The following ANK2 variants were observed in gnomAD, a reference collection of about 807,000 sequenced individuals.
ANK2 encodes the protein ankyrin 2.
Under a neutral mutation model 360.5 loss-of-function variants are expected in ANK2, and 83 were observed. The observed-to-expected ratio is 0.23, with a 90% CI of 0.19 to 0.28. ANK2 has a LOEUF of 0.28. ANK2 is among the 10% of genes least tolerant of loss of function. The pLI, the probability that ANK2 is intolerant of heterozygous loss-of-function variation, is 1.00. For synonymous variants in ANK2, 1,740 were observed against 1,759.5 expected (o/e 0.99, Z 0.28); for missense variants, 4,201 against 4,795.7 (o/e 0.88, Z 3.66).
At chr4:112,896,774 A>T (rs995459398) in intron 1 of ANK2, among the ~76,000 whole-genome samples, 1 of 152,248 alleles carries the variant, frequency 6.6e-6, no homozygotes, top group Middle Eastern at 3.4e-3. Flanking sequence ...CAACCTGAGA[A>T]CTTCAGGGCT....
At chr4:113,255,352 A>G (rs2048723673) in intron 10 of ANK2, among the ~76,000 whole-genome samples, 1 of 152,222 alleles carries the variant, frequency 6.6e-6, no homozygotes, top group African/African-American at 2.4e-5. Flanking sequence ...TTTATAAGAA[A>G]TGCAGGCAGA....
At chr4:113,330,817 G>C (rs1046626448) in intron 27 of ANK2, among the ~76,000 whole-genome samples, 2 of 152,096 alleles carry the variant, frequency 1.3e-5, no homozygotes, top group South Asian at 4.1e-4. Context: ...AAAAAATTCT[G>C]CTCTGTTCCA....
chr4:113,027,813 A>G (rs922051151), intron 2 of ANK2, among the ~76,000 whole-genome samples: 3 of 152,174 alleles, frequency 2.0e-5, no homozygotes, highest in Admixed American at 6.6e-5. Flanking sequence ...CAAAGCTCAC[A>G]TAGAGGAAGG....
chr4:112,834,221 T>C (rs191355254), intron 1 of ANK2, among the ~76,000 whole-genome samples: 17 of 152,360 alleles, frequency 1.1e-4, no homozygotes, highest in Middle Eastern at 3.4e-3. Context: ...TATTAGATGA[T>C]ATTAAAAATT....
At chr4:112,969,072 A>G (rs1363503831) in intron 2 of ANK2, among the ~76,000 whole-genome samples, 1 of 152,210 alleles carries the variant, frequency 6.6e-6, no homozygotes, top group East Asian at 1.9e-4. Flanking sequence ...TTTGCAAGGT[A>G]GATGTTATTA....
At chr4:113,165,862 C>A (rs2097735294) in intron 1 of ANK2, among the ~76,000 whole-genome samples, 1 of 152,022 alleles carries the variant, frequency 6.6e-6, no homozygotes, top group South Asian at 2.1e-4. Flanking sequence ...TAACATGGAC[C>A]TCAAACTGTT....
intron 1 of ANK2, among the ~76,000 whole-genome samples, chr4:112,890,384 A>T (rs1344759439): frequency 6.6e-6 from 1 of 152,102 alleles, no homozygotes. Context: ...TGGTTCTGCT[A>T]CTTGAACCTA....
chr4:112,932,897 C>A (rs2093394700), intron 2 of ANK2, among the ~76,000 whole-genome samples: 1 of 152,144 alleles, frequency 6.6e-6, no homozygotes, highest in South Asian at 2.1e-4. Flanking sequence ...AAAATCAACT[C>A]CCTTTCTTCT....
At chr4:112,789,949 A>G in the ANK2 span, among the ~76,000 whole-genome samples, 342 of 152,306 alleles carry the variant, frequency 2.2e-3, 1 homozygote, top group Non-Finnish European at 3.4e-3. Flanking sequence ...CCAGAAAATA[A>G]CCAGTGTTGG....
Position 113,154,028 on chromosome 4 carries a change from T to G in ANK2, c.85-20388T>G, listed in dbSNP as rs189228518. Among the ~76,000 whole-genome samples, 5 of 152,314 alleles carry G rather than the reference T, an allele frequency of 3.3e-5. No individual in the cohort carries two copies. The East Asian group carries it at 7.7e-4, about 24-fold the overall frequency. ...GAAACCCTTCACATTTTATTAAGCT[T>G]CTTCTTATCCAGGTTAATTCAATGT... On this transcript the variant is annotated intron_variant, in intron 1 of 45. Coordinates refer to ENST00000357077, the MANE Select transcript of ANK2 (RefSeq NM_001148.6).
intron 24 of ANK2, among the ~76,000 whole-genome samples, chr4:113,316,104 A>G (rs1209609238): frequency 6.6e-6 from 1 of 152,192 alleles, no homozygotes; most frequent in Non-Finnish European, 1.5e-5. Flanking sequence ...CATCTGTAAT[A>G]TAAGTAGCCT....
At chr4:113,379,550 T>C (rs922456937) in intron 45 of ANK2, among the ~76,000 whole-genome samples, 1 of 152,180 alleles carries the variant, frequency 6.6e-6, no homozygotes, top group Non-Finnish European at 1.5e-5. Context: ...ATCAATGCTA[T>C]AAAGGCTTCT....
chr4:112,973,871 G>T (rs952759030), intron 2 of ANK2, among the ~76,000 whole-genome samples: 1 of 152,104 alleles, frequency 6.6e-6, no homozygotes, highest in African/African-American at 2.4e-5. Context: ...GATAGATGGC[G>T]GAAAGTAAGG....
intron 2 of ANK2, among the ~76,000 whole-genome samples, chr4:112,993,128 A>G (rs2047373781): frequency 1.3e-5 from 2 of 151,344 alleles, no homozygotes; most frequent in African/African-American, 4.9e-5. Context: ...ACAAAAAATA[A>G]AAAAAAATAG....
the ANK2 span, among the ~76,000 whole-genome samples, chr4:112,746,233 G>A: frequency 2.6e-5 from 4 of 151,872 alleles, no homozygotes; most frequent in Non-Finnish European, 5.9e-5. Context: ...TATTAATCTT[G>A]AGTAATTTTC....
At chr4:112,984,849 T>C (rs1176041678) in intron 2 of ANK2, among the ~76,000 whole-genome samples, 1 of 152,214 alleles carries the variant, frequency 6.6e-6, no homozygotes, top group Non-Finnish European at 1.5e-5. Flanking sequence ...GGCTGCTCAA[T>C]TACATTACCA....
intron 1 of ANK2, among the ~76,000 whole-genome samples, chr4:112,821,852 C>T (rs1353631412): frequency 1.3e-5 from 2 of 151,754 alleles, no homozygotes; most frequent in Non-Finnish European, 2.9e-5. Flanking sequence ...ATGCCACCTC[C>T]GCATCCTGGG....
chr4:113,023,272 A>G (rs1241148097), intron 2 of ANK2, among the ~76,000 whole-genome samples: 1 of 152,198 alleles, frequency 6.6e-6, no homozygotes, highest in Non-Finnish European at 1.5e-5. Flanking sequence ...CTTAGACATT[A>G]AGCCCTCATT....
At chr4:112,997,532 G>C (rs367599389) in intron 2 of ANK2, among the ~76,000 whole-genome samples, 2 of 152,020 alleles carry the variant, frequency 1.3e-5, no homozygotes, top group African/African-American at 2.4e-5. Context: ...AATCCCTTTT[G>C]TGTATTTTAC....
Sources: gnomAD v4.1 joint callset for allele counts (sites outside exome capture counted in the v4.1 genomes callset) on GRCh38, gnomAD v4.1.1 for gene constraint, MANE v1.5 for transcripts, NCBI Gene and HGNC (gene_info 2026-07-23, HGNC 2026-07-21) for gene names.